Variants in CCSER1 observed in about 807,000 individuals in gnomAD.
The protein encoded by CCSER1 is coiled-coil serine rich protein 1.
In CCSER1, 41 loss-of-function variants were observed where a neutral mutation model predicts 82.0. The observed-to-expected ratio is 0.50, with a 90% confidence interval of 0.39 to 0.65. The LOEUF is 0.65. Among genes scored for constraint, CCSER1 ranks in the 30% least tolerant of loss-of-function variants. The probability of loss-of-function intolerance (pLI) is 0.00; values close to 1 mark genes in which losing one functional copy is unlikely to be tolerated. For synonymous variants in CCSER1, 414 were observed against 383.9 expected, an observed-to-expected ratio of 1.08 and a Z score of -0.92; for missense variants, 1,119 against 1,064.2, an observed-to-expected ratio of 1.05 and a Z score of -0.72.
intron 10 of CCSER1, among the ~76,000 whole-genome samples, chr4:91,296,122 A>G (rs1001800886): frequency 1.3e-5 from 2 of 151,876 alleles, no homozygotes; most frequent in Non-Finnish European, 2.9e-5. Context: ...GTCTGAGTGT[A>G]TAATGCCTTT....
chr4:91,478,194 C>T (rs1294194999), intron 10 of CCSER1, among the ~76,000 whole-genome samples: 3 of 151,890 alleles, frequency 2.0e-5, no homozygotes, highest in Non-Finnish European at 4.4e-5. Flanking sequence ...GCTGGACTAA[C>T]TGATTTCAAT....
At chr4:90,567,572 G>T (rs908918116) in intron 5 of CCSER1, among the ~76,000 whole-genome samples, 3 of 151,426 alleles carry the variant, frequency 2.0e-5, no homozygotes, top group Non-Finnish European at 4.4e-5. Context: ...TGACAGGCAT[G>T]AGCCATTGCA....
chr4:91,329,878 C>T (rs548512750), intron 10 of CCSER1, among the ~76,000 whole-genome samples: 1 of 152,178 alleles, frequency 6.6e-6, no homozygotes, highest in African/African-American at 2.4e-5. Context: ...TTTGGCTTCT[C>T]TCTTTTGTTG....
chr4:91,518,949 G>A (rs1405904532), intron 10 of CCSER1, among the ~76,000 whole-genome samples: 1 of 152,226 alleles, frequency 6.6e-6, no homozygotes, highest in Admixed American at 6.5e-5. Context: ...TGCAGTGGCT[G>A]CAGTGTGTGG....
chr4:91,093,761 G>C (rs1724215857), intron 10 of CCSER1, among the ~76,000 whole-genome samples: 1 of 152,208 alleles, frequency 6.6e-6, no homozygotes, highest in Non-Finnish European at 1.5e-5. Flanking sequence ...GGCTGGGGCT[G>C]ACATAAGTTT....
chr4:90,883,751 A>G (rs140021620), intron 8 of CCSER1, among the ~76,000 whole-genome samples: 32 of 152,294 alleles, frequency 2.1e-4, no homozygotes, highest in Middle Eastern at 3.4e-3. Flanking sequence ...TGTGGAAGCT[A>G]TTTGAAGCCA....
chr4:90,408,863 CAAAG>C lies in CCSER1; in HGVS notation c.1603+8737_1603+8740del, dbSNP rs1283213169. On this transcript the variant is annotated intron_variant, in intron 4 of 10. Transcript: ENST00000509176. ...TAAAGGAGGAAGTTCGAACAAATGG[CAAAG>C]AAGTTAAAAACTGAAAACAAATTAG... Among the ~76,000 whole-genome samples the C allele has an allele frequency of 2.0e-5, 3 of 152,126 alleles. No individual in the cohort carries two copies. The East Asian group carries it at 5.8e-4, about 29-fold the overall frequency.
chr4:90,709,494 C>T (rs569382054), intron 6 of CCSER1, among the ~76,000 whole-genome samples: 1 of 152,168 alleles, frequency 6.6e-6, no homozygotes, highest in Non-Finnish European at 1.5e-5. Flanking sequence ...TCCATGTGTT[C>T]TCATCATTTA....
intron 10 of CCSER1, among the ~76,000 whole-genome samples, chr4:91,564,934 C>T (rs975140806): frequency 2.0e-5 from 3 of 151,608 alleles, no homozygotes; most frequent in African/African-American, 4.8e-5. Flanking sequence ...AAATCCTTGC[C>T]TGTTCCTGTG....
intron 3 of CCSER1, among the ~76,000 whole-genome samples, chr4:90,384,953 T>G (rs1467898829): frequency 6.6e-6 from 1 of 152,170 alleles, no homozygotes; most frequent in African/African-American, 2.4e-5. Flanking sequence ...ATCCATAGCT[T>G]AGCCCCAACT....
chr4:91,175,121 C>T (rs963082792), intron 10 of CCSER1, among the ~76,000 whole-genome samples: 4 of 152,030 alleles, frequency 2.6e-5, no homozygotes, highest in Non-Finnish European at 5.9e-5. Flanking sequence ...TGGTTTCCAG[C>T]TTCATCCATG....
At position 91,002,412 on chromosome 4, in the gene CCSER1, C is replaced by T. The variant is rs551900368; in HGVS notation, c.2172+78965C>T. On this transcript the variant is annotated intron_variant, in intron 9 of 10. Coordinates refer to ENST00000509176, the MANE Select transcript of CCSER1 (RefSeq NM_001145065.2). ...GTTATTCTTAGGTTTGGTTGTTTAA[C>T]GTAGTCCCAAACTTCTTGGAGGCTT... 7.2e-4 allele frequency among the ~76,000 whole-genome samples: 109 copies of T among 152,254 alleles called. No homozygotes were observed. In the South Asian group the frequency reaches 7.7e-3, roughly 11 times the overall value.
intron 10 of CCSER1, among the ~76,000 whole-genome samples, chr4:91,150,304 G>A (rs1033810064): frequency 6.6e-6 from 1 of 152,156 alleles, no homozygotes; most frequent in African/African-American, 2.4e-5. Flanking sequence ...GTATAAAAAT[G>A]CCTGTGATTT....
chr4:91,155,647 C>G (rs1730739711), intron 10 of CCSER1, among the ~76,000 whole-genome samples: 1 of 151,928 alleles, frequency 6.6e-6, no homozygotes, highest in Non-Finnish European at 1.5e-5. Flanking sequence ...AATTACTTCT[C>G]TCTTTTACTT....
chr4:90,520,994 A>G (rs1773037846), intron 5 of CCSER1, among the ~76,000 whole-genome samples: 1 of 152,222 alleles, frequency 6.6e-6, no homozygotes, highest in African/African-American at 2.4e-5. Context: ...TGAAACATCC[A>G]AGCTAGATGT....
At chr4:91,594,952 T>G (rs1764493365) in intron 10 of CCSER1, among the ~76,000 whole-genome samples, 1 of 151,918 alleles carries the variant, frequency 6.6e-6, no homozygotes, top group Admixed American at 6.6e-5. Flanking sequence ...CTCAAACAAA[T>G]ACACTTTCAA....
intron 10 of CCSER1, among the ~76,000 whole-genome samples, chr4:91,272,757 G>A (rs182448699): frequency 6.6e-6 from 1 of 152,276 alleles, no homozygotes; most frequent in East Asian, 1.9e-4. Context: ...GATTCATCTT[G>A]AGTTTATTTT....
intron 10 of CCSER1, among the ~76,000 whole-genome samples, chr4:91,581,145 C>T (rs1442685522): frequency 6.6e-6 from 1 of 151,668 alleles, no homozygotes; most frequent in Non-Finnish European, 1.5e-5. Context: ...CATCTAACCA[C>T]ATAATTATAT....
At chr4:90,172,022 A>G (rs573360386) in intron 1 of CCSER1, among the ~76,000 whole-genome samples, 1 of 152,030 alleles carries the variant, frequency 6.6e-6, no homozygotes, top group Admixed American at 6.6e-5. Context: ...CAGAGAAGTC[A>G]GATAATTGCC....
Sources: allele counts gnomAD v4.1 joint callset (sites outside exome capture counted in the v4.1 genomes callset), GRCh38; gene constraint gnomAD v4.1.1; transcripts MANE v1.5; gene names NCBI Gene and HGNC (gene_info 2026-07-23, HGNC 2026-07-21).